Variants in RNASEH2B observed in about 807,000 individuals in gnomAD.
RNASEH2B encodes the protein ribonuclease H2 subunit B.
RNASEH2B carries 36 observed loss-of-function variants against 45.0 expected under a neutral mutation model. The observed-to-expected ratio is 0.80, with a 90% CI of 0.61 to 1.06. The LOEUF (loss-of-function observed/expected upper bound fraction) is 1.06. Ranked by LOEUF, RNASEH2B falls within the 50% of genes least tolerant of loss-of-function variation. The pLI is 0.00. For synonymous variants in RNASEH2B, 119 were observed against 125.7 expected (o/e 0.95, Z 0.35); for missense variants, 361 against 360.3 (o/e 1.00, Z -0.02).
At chr13:50,944,681 C>A (rs1951878929) in intron 6 of RNASEH2B, among the ~76,000 whole-genome samples, 1 of 151,876 alleles carries the variant, frequency 6.6e-6, no homozygotes, top group Non-Finnish European at 1.5e-5. Context: ...ACCATGTTAC[C>A]AGGCTCATTG....
chr13:50,967,053 C>G (rs961625577), intron 9 of RNASEH2B, among the ~76,000 whole-genome samples: 1 of 152,190 alleles, frequency 6.6e-6, no homozygotes, highest in Non-Finnish European at 1.5e-5. Flanking sequence ...TCTCTGGCCC[C>G]CAGTCACTTC....
At chr13:50,952,725 G>A (rs1951992835) in intron 9 of RNASEH2B, 1 of 152,164 alleles carries the variant, frequency 6.6e-6, no homozygotes, top group South Asian at 2.1e-4. Context: ...TAACAAAGTT[G>A]CAAATATACA....
downstream of RNASEH2B, chr13:50,956,888 A>C (rs1334762277): frequency 2.9e-5 from 10 of 342,966 alleles, no homozygotes; most frequent in Non-Finnish European, 4.1e-5. Context: ...AAAAGGCTTT[A>C]GTTTTTGGTA....
At chr13:50,926,876 G>A (rs1025252607) in intron 1 of RNASEH2B, among the ~76,000 whole-genome samples, 1 of 150,872 alleles carries the variant, frequency 6.6e-6, no homozygotes, top group African/African-American at 2.4e-5. Context: ...TTAGGCAAAG[G>A]ATAGTTGTGT....
At chr13:50,943,110 T>TA (rs1951852693) in intron 5 of RNASEH2B, 1 of 482,686 alleles carries the variant, frequency 2.1e-6, no homozygotes, top group Non-Finnish European at 3.7e-6. Flanking sequence ...CTTAAATTCT[T>TA]ACTCATTTAG....
At chr13:50,913,733 CAGAA>C (rs1879568337) in intron 1 of RNASEH2B, among the ~76,000 whole-genome samples, 1 of 152,146 alleles carries the variant, frequency 6.6e-6, no homozygotes, top group South Asian at 2.1e-4. Flanking sequence ...TATTTCTCCA[CAGAA>C]AGCAGTTTCA....
intron 1 of RNASEH2B, among the ~76,000 whole-genome samples, chr13:50,923,114 G>A (rs1461843313): frequency 6.6e-6 from 1 of 152,152 alleles, no homozygotes; most frequent in East Asian, 1.9e-4. Context: ...GGCCAATTGA[G>A]ATTATCCAGG....
chr13:50,927,474 T>C lies in RNASEH2B; in HGVS notation c.132T>C (p.Cys44=). ...GLMFVKLVNP[C]SGEGAIYLFN... Reference sequence around the variant, plus strand: ...TGTTTGTAAAACTGGTTAACCCCTGTTCAGGTAAGTTCTCTTCTCATAACT... The same window carrying C: ...TGTTTGTAAAACTGGTTAACCCCTGCTCAGGTAAGTTCTCTTCTCATAACT... The change falls in exon 2 of 11, where the codon TGT becomes TGC. Residue 44 remains cysteine, a synonymous_variant. Transcript: ENST00000336617. The C allele has an allele frequency of 1.9e-6, 3 of 1,582,218 alleles. No individual in the cohort carries two copies. The highest frequency in any genetic ancestry group is 2.6e-6 in the Non-Finnish European group (3 of 1,151,176).
intron 9 of RNASEH2B, among the ~76,000 whole-genome samples, chr13:50,964,552 G>T (rs560152343): frequency 6.6e-6 from 1 of 152,228 alleles, no homozygotes; most frequent in African/African-American, 2.4e-5. Context: ...TATTATCCCT[G>T]TTGAAAGTTA....
In RNASEH2B at chr13:50,927,448, A is replaced by G. The variant is rs774427890; in HGVS notation, c.106A>G (p.Met36Val). The G allele has an allele frequency of 6.2e-6, 10 of 1,603,018 alleles. No individual in the cohort carries two copies. Among genetic ancestry groups the G allele is most frequent in the African/African-American group, 1.3e-5 (1 of 74,788 alleles). ...TTCAAAGAAGATGAAAAATGGGCTA[A>G]TGTTTGTAAAACTGGTTAACCCCTG... ...DASKKMKNGL[M>V]FVKLVNPCSG... The change falls in exon 2 of 11, where the codon ATG becomes GTG. Residue 36 changes from methionine (M) to valine (V), a missense_variant. Coordinates refer to ENST00000336617, the MANE Select transcript of RNASEH2B (RefSeq NM_024570.4).
At chr13:50,924,897 T>G (rs78305818) in intron 1 of RNASEH2B, among the ~76,000 whole-genome samples, 1,861 of 152,312 alleles carry the variant, frequency 0.012, 34 homozygotes, top group African/African-American at 0.043. Flanking sequence ...ATGTATAGTT[T>G]TATTCCTGTT....
Position 50,947,977 on chromosome 13 carries a change from T to G in RNASEH2B, c.617-10T>G, listed in dbSNP as rs764634733. The G allele has an allele frequency of 6.2e-7, 1 of 1,609,432 alleles. No individual in the cohort carries two copies. Among genetic ancestry groups the G allele is most frequent in the Non-Finnish European group, 8.5e-7 (1 of 1,179,108 alleles). On this transcript the variant is annotated splice_polypyrimidine_tract_variant and intron_variant, in intron 7 of 10. Transcript: ENST00000336617. ...TTTTTTGCTTTCACTCCTCCTTCTG[T>G]TTCTTTCAGAGGATTATATTCGTTA...
intron 5 of RNASEH2B, chr13:50,937,759 A>G (rs1161217849): frequency 1.3e-5 from 2 of 152,238 alleles, no homozygotes; most frequent in African/African-American, 4.8e-5. Context: ...AAATTCAGTC[A>G]TGATATATAT....
At chr13:50,936,985 G>A (rs773557395) in intron 5 of RNASEH2B, 7 of 148,944 alleles carry the variant, frequency 4.7e-5, no homozygotes, top group Non-Finnish European at 8.8e-5. Context: ...TATATTATTA[G>A]CCTTTATATT....
At chr13:50,922,651 C>CA (rs761069866) in intron 1 of RNASEH2B, among the ~76,000 whole-genome samples, 25 of 152,170 alleles carry the variant, frequency 1.6e-4, no homozygotes, top group Non-Finnish European at 2.9e-4. Flanking sequence ...GCAATAACTA[C>CA]AAAAAACAGC....
chr13:50,968,013 A>G (rs1459196816), intron 9 of RNASEH2B, among the ~76,000 whole-genome samples: 1 of 152,222 alleles, frequency 6.6e-6, no homozygotes, highest in Non-Finnish European at 1.5e-5. Flanking sequence ...TGGAGATTAC[A>G]CAGTCCTGAG....
chr13:50,925,163 TATTA>T (rs1484903621), intron 1 of RNASEH2B, among the ~76,000 whole-genome samples: 5 of 152,316 alleles, frequency 3.3e-5, no homozygotes, highest in Non-Finnish European at 7.4e-5. Context: ...TTTCTTCAGC[TATTA>T]ATTTTATCCA....
intron 5 of RNASEH2B, 28 bp downstream of exon 5, chr13:50,935,027 T>A: frequency 6.9e-7 from 1 of 1,445,394 alleles, no homozygotes; most frequent in Non-Finnish European, 9.7e-7. Flanking sequence ...GGCTTATGGC[T>A]GGTAGAAAGG....
At chr13:50,948,672 G>T (rs144317132) in intron 8 of RNASEH2B, 4 of 152,168 alleles carry the variant, frequency 2.6e-5, no homozygotes, top group African/African-American at 9.6e-5. Context: ...TTGCAAAATC[G>T]TTACTTAATT....
Sources: allele counts gnomAD v4.1 joint callset (sites outside exome capture counted in the v4.1 genomes callset), GRCh38; gene constraint gnomAD v4.1.1; transcripts MANE v1.5; gene names NCBI Gene and HGNC (gene_info 2026-07-23, HGNC 2026-07-21).